SCG3: variants seen among roughly 807,000 people sequenced by gnomAD.
SCG3 encodes secretogranin-3.
Under a neutral mutation model 56.2 loss-of-function variants are expected in SCG3, and 38 were observed. The observed-to-expected ratio is 0.68, with a 90% CI of 0.52 to 0.89. SCG3 has a LOEUF of 0.89. SCG3 is among the 40% of genes least tolerant of loss of function. The pLI, the probability that SCG3 is intolerant of heterozygous loss-of-function variation, is 0.00. For synonymous variants in SCG3, 176 were observed against 184.2 expected (o/e 0.96, Z 0.36); for missense variants, 524 against 540.7 (o/e 0.97, Z 0.31).
intron 6 of SCG3, among the ~76,000 whole-genome samples, chr15:51,689,757 G>T (rs544348185): frequency 6.6e-6 from 1 of 151,814 alleles, no homozygotes; most frequent in Non-Finnish European, 1.5e-5. Flanking sequence ...ACTGCATACC[G>T]GTCTGGGTGA....
Position 51,713,325 on chromosome 15 carries a change from T to A in SCG3, c.1208-8T>A, listed in dbSNP as rs775061109. On this transcript the variant is annotated splice_polypyrimidine_tract_variant and splice_region_variant and intron_variant, in intron 10 of 11. Transcript: ENST00000220478. Reference sequence around the variant, plus strand: ...GAGTGTTTGATATAGTTCTCTTACCTCTTCCAGGAAAAACAGAAGCCTATT... The same window carrying A: ...GAGTGTTTGATATAGTTCTCTTACCACTTCCAGGAAAAACAGAAGCCTATT... 2 of 1,577,944 alleles carry A rather than the reference T, an allele frequency of 1.3e-6. No homozygotes were observed. The highest frequency in any genetic ancestry group is 3.6e-5 in the Admixed American group (2 of 55,434).
chr15:51,702,580 T>G (rs1419668966), intron 10 of SCG3, among the ~76,000 whole-genome samples: 1 of 152,086 alleles, frequency 6.6e-6, no homozygotes, highest in African/African-American at 2.4e-5. Context: ...TTTAGAAACT[T>G]TACCATACCC....
chr15:51,682,998 G>T (rs754212038), intron 2 of SCG3, 81 bp from the exon 3 acceptor site: 45 of 1,086,380 alleles, frequency 4.1e-5, no homozygotes, highest in Non-Finnish European at 5.8e-5. Flanking sequence ...ATCCCATGGA[G>T]ATTAAATCAT....
chr15:51,718,211 C>CAGAT (rs1294394500), intron 11 of SCG3, among the ~76,000 whole-genome samples: 1 of 148,316 alleles, frequency 6.7e-6, no homozygotes, highest in Non-Finnish European at 1.5e-5. Context: ...GACAGACAGA[C>CAGAT]AGACAGACAG....
At chr15:51,698,359 C>T (rs538252085) in intron 8 of SCG3, among the ~76,000 whole-genome samples, 1 of 152,166 alleles carries the variant, frequency 6.6e-6, no homozygotes, top group Admixed American at 6.5e-5. Flanking sequence ...AGTCTAGACT[C>T]CTGTCTAGTA....
In SCG3 at chr15:51,719,410, T is replaced by C; in HGVS notation, c.1291T>C (p.Tyr431His). 1 of 1,609,468 alleles carries C rather than the reference T, an allele frequency of 6.2e-7. No individual in the cohort carries two copies. Among genetic ancestry groups the C allele is most frequent in the Non-Finnish European group, 8.5e-7 (1 of 1,175,998 alleles). The change falls in exon 12 of 12, where the codon TAT (tyrosine) becomes CAT (histidine). Residue 431 changes from tyrosine to histidine, a missense_variant and splice_region_variant. Tyr to His is a moderately conservative substitution (Grantham distance 83). Transcript: ENST00000220478. ...KHDKKGNKED[Y>H]DLSKMRDFIN... ...TATGCTCTAATAATATTTTCCAGAT[T>C]ATGACCTTTCAAAGATGAGAGACTT...
intron 11 of SCG3, among the ~76,000 whole-genome samples, chr15:51,714,666 G>C (rs201716591): frequency 6.6e-6 from 1 of 152,216 alleles, no homozygotes; most frequent in Non-Finnish European, 1.5e-5. Context: ...TCTGGCATCA[G>C]TATTTTTTCA....
intron 4 of SCG3, among the ~76,000 whole-genome samples, chr15:51,684,083 GCACTACTATCCATC>G (rs1222018966): frequency 3.3e-5 from 5 of 152,106 alleles, no homozygotes; most frequent in Non-Finnish European, 5.9e-5. Flanking sequence ...TTTAGGAAAG[GCACTACTATCCATC>G]CAGTTTTTTA....
At chr15:51,699,443 AC>A (rs768118608) in intron 9 of SCG3, 41 bp downstream of exon 9, 23 of 1,274,772 alleles carry the variant, frequency 1.8e-5, no homozygotes, top group Non-Finnish European at 2.5e-5. Flanking sequence ...TAGAATAATA[AC>A]CCTTTTGAGT....
At chr15:51,699,198 G>T in intron 8 of SCG3, 121 bp from the exon 9 acceptor site, 1 of 707,664 alleles carries the variant, frequency 1.4e-6, no homozygotes, top group Non-Finnish European at 2.5e-6. Context: ...CATCTTACCA[G>T]GAGTGTTAAT....
Position 51,701,310 on chromosome 15 carries a change from G to T in SCG3, c.1207+66G>T, listed in dbSNP as rs142385423. ...AAGCAAAAGCTTTCACCACACAAGGGAGGGTGATCCAAAGAGCAAGCTCCA... is the reference window on the plus strand; with the variant it reads ...AAGCAAAAGCTTTCACCACACAAGGTAGGGTGATCCAAAGAGCAAGCTCCA... On this transcript the variant is annotated intron_variant, in intron 10 of 11. Transcript: ENST00000220478. The T allele has an allele frequency of 2.5e-4, 374 of 1,484,504 alleles. No individual in the cohort carries two copies. The African/African-American group carries it at 4.6e-3, about 18-fold the overall frequency. 92.0% of individuals were successfully genotyped at this position (1,484,504 alleles called of 1,614,324 possible).
At chr15:51,685,657 T>C (rs576627484) in intron 4 of SCG3, among the ~76,000 whole-genome samples, 12 of 152,334 alleles carry the variant, frequency 7.9e-5, no homozygotes, top group African/African-American at 2.9e-4. Context: ...CTCAGATGCA[T>C]GTAGACTTCA....
intron 8 of SCG3, among the ~76,000 whole-genome samples, chr15:51,697,002 C>T (rs533153669): frequency 6.6e-6 from 1 of 152,136 alleles, no homozygotes; most frequent in East Asian, 1.9e-4. Flanking sequence ...ACTGGTTTTT[C>T]CTTGACTGTA....
intron 11 of SCG3, among the ~76,000 whole-genome samples, 185 bp from the exon 12 acceptor site, chr15:51,719,223 A>T (rs769124114): frequency 3.3e-5 from 5 of 152,384 alleles, no homozygotes; most frequent in Non-Finnish European, 7.3e-5. Flanking sequence ...GAGATAATAC[A>T]TGTAAATATT....
chr15:51,703,698 G>A (rs2055352652), intron 10 of SCG3, among the ~76,000 whole-genome samples: 1 of 152,162 alleles, frequency 6.6e-6, no homozygotes, highest in African/African-American at 2.4e-5. Context: ...GGTTATATAA[G>A]TTCAAATGAG....
chr15:51,696,897 A>G (rs943465325), intron 8 of SCG3, among the ~76,000 whole-genome samples: 8 of 152,176 alleles, frequency 5.3e-5, no homozygotes, highest in African/African-American at 1.9e-4. Context: ...TTTCAACATT[A>G]GTGTTGGGGG....
At chr15:51,701,759 A>T (rs1778856659) in intron 10 of SCG3, among the ~76,000 whole-genome samples, 1 of 152,184 alleles carries the variant, frequency 6.6e-6, no homozygotes, top group Admixed American at 6.5e-5. Flanking sequence ...TGCAAAAATT[A>T]GCCAGGCATG....
intron 1 of SCG3, among the ~76,000 whole-genome samples, chr15:51,682,302 A>T (rs1330341290): frequency 6.6e-6 from 1 of 151,926 alleles, no homozygotes; most frequent in Non-Finnish European, 1.5e-5. Flanking sequence ...TGATTCTGTC[A>T]GCTCAAGAAA....
chr15:51,713,767 A>G (rs1006762542), intron 11 of SCG3, among the ~76,000 whole-genome samples: 1 of 152,210 alleles, frequency 6.6e-6, no homozygotes, highest in Non-Finnish European at 1.5e-5. Flanking sequence ...AGTATTTTAA[A>G]CAAAGGCATT....
Sources: allele counts gnomAD v4.1 joint callset (sites outside exome capture counted in the v4.1 genomes callset), GRCh38; gene constraint gnomAD v4.1.1; transcripts MANE v1.5; gene names NCBI Gene and HGNC (gene_info 2026-07-23, HGNC 2026-07-21).